The following ZNF549 variants were observed in gnomAD, a reference collection of about 807,000 sequenced individuals.
ZNF549 encodes zinc finger protein 549.
In ZNF549, 11 loss-of-function variants were observed where a neutral mutation model predicts 11.1. The observed-to-expected ratio is 0.99, with a 90% CI of 0.62 to 1.64. ZNF549 has a LOEUF of 1.64. Ranked by LOEUF, ZNF549 falls within the 40% of genes most tolerant of loss-of-function variation. The pLI, the probability that ZNF549 is intolerant of heterozygous loss-of-function variation, is 0.00. For synonymous variants in ZNF549, 266 were observed against 269.1 expected (o/e 0.99, Z 0.11); for missense variants, 748 against 765.1 (o/e 0.98, Z 0.26).
intron 1 of ZNF549, among the ~76,000 whole-genome samples, chr19:57,529,928 A>G (rs562514252): frequency 1.2e-3 from 183 of 152,130 alleles, no homozygotes; most frequent in African/African-American, 3.9e-3. Flanking sequence ...AAATAAATAA[A>G]GGATGGTGCA....
In ZNF549 at chr19:57,535,176, C is replaced by T. The variant is rs758992407; in HGVS notation, c.105C>T (p.Tyr35=). ...TGACCTTTGAGGATATTGCTGTGTA[C>T]TTCTCCCAGGAGGAGTGGGGCCTCC... is the stretch of plus-strand genomic sequence containing the variant. ...GHVTFEDIAV[Y]FSQEEWGLLD... Residue 35 remains tyrosine (Y), a synonymous_variant, in exon 3 of 4, where the codon TAC becomes TAT. Coordinates refer to ENST00000376233, the MANE Select transcript of ZNF549 (RefSeq NM_001199295.2). The T allele has an allele frequency of 1.5e-5, 24 of 1,613,994 alleles. 1 individual carries two copies. In the South Asian group the frequency reaches 2.4e-4, roughly 16 times the overall value.
chr19:57,538,974 G>T lies in ZNF549; in HGVS notation c.*47G>T, dbSNP rs757657933. The T allele has an allele frequency of 6.5e-7, 1 of 1,534,504 alleles. No homozygotes were observed. Among genetic ancestry groups the T allele is most frequent in the Non-Finnish European group, 8.7e-7 (1 of 1,148,526 alleles). On this transcript the variant is annotated 3_prime_UTR_variant, in exon 4 of 4. Coordinates refer to ENST00000376233, the MANE Select transcript of ZNF549 (RefSeq NM_001199295.2). Reference sequence around the variant, plus strand: ...GTCTTATTCACTGTAGGACACCAGAGAGCTGATTTTTCAAGGGATCCAACA... The same window carrying T: ...GTCTTATTCACTGTAGGACACCAGATAGCTGATTTTTCAAGGGATCCAACA...
chr19:57,531,014 C>T (rs1568588756), intron 1 of ZNF549, 56 bp from the exon 2 acceptor site: 2 of 1,562,394 alleles, frequency 1.3e-6, no homozygotes, highest in South Asian at 2.2e-5. Context: ...GAGCAACTTA[C>T]CCTTTGTAAA....
chr19:57,533,761 G>C (rs921221438), intron 2 of ZNF549, among the ~76,000 whole-genome samples: 17 of 152,228 alleles, frequency 1.1e-4, no homozygotes, highest in African/African-American at 3.9e-4. Context: ...TCTCCTGTAT[G>C]CCCTCGTTTG....
In ZNF549 at chr19:57,539,729, A is replaced by G. The variant is rs2089946861; in HGVS notation, c.*802A>G. 6.6e-6 allele frequency: 1 copy of G among 152,126 alleles called. No homozygotes were observed. Among genetic ancestry groups the G allele is most frequent in the Non-Finnish European group, 1.5e-5 (1 of 68,012 alleles). The allele number at this position is 152,126 out of a possible 1,614,324, so 9.4% of individuals were successfully genotyped here. On this transcript the variant is annotated 3_prime_UTR_variant, in exon 4 of 4. Coordinates refer to ENST00000376233, the MANE Select transcript of ZNF549 (RefSeq NM_001199295.2). ...TGCTTCATATTTCCCAGCACTGTTC[A>G]TGGTATCTTATTTCCCAGGTCCTTC...
intron 1 of ZNF549, 112 bp downstream of exon 1, chr19:57,527,718 G>GTT: frequency 7.4e-7 from 1 of 1,349,358 alleles, no homozygotes; most frequent in Non-Finnish European, 1.0e-6. Flanking sequence ...GGAGTTCTGG[G>GTT]TGGGGTCCTC....
chr19:57,533,250 T>C (rs1204408856), intron 2 of ZNF549, among the ~76,000 whole-genome samples: 1 of 152,196 alleles, frequency 6.6e-6, no homozygotes, highest in East Asian at 1.9e-4. Context: ...TCTCAGTGTT[T>C]TAGTGAGCCT....
intron 2 of ZNF549, among the ~76,000 whole-genome samples, chr19:57,532,231 CTG>C (rs1486418302): frequency 2.0e-5 from 3 of 152,112 alleles, no homozygotes; most frequent in Admixed American, 1.3e-4. Context: ...TGTTTTATAA[CTG>C]TGTATTGTAA....
chr19:57,538,136 C>G lies in ZNF549; in HGVS notation c.1132C>G (p.Arg378Gly). Residue 378 changes from arginine (R) to glycine (G), a missense_variant, in exon 4 of 4, where the codon CGA becomes GGA. Coordinates refer to ENST00000376233, the MANE Select transcript of ZNF549 (RefSeq NM_001199295.2). Reference sequence around the variant, plus strand: ...TTTTATTCATTCCTATGACCGCATTCGACACCAGAGAGTTCACACTGGAGA... The same window carrying G: ...TTTTATTCATTCCTATGACCGCATTGGACACCAGAGAGTTCACACTGGAGA... Reference protein sequence around the residue: ...KSFIHSYDRIRHQRVHTGEGA... With the variant: ...KSFIHSYDRIGHQRVHTGEGA... The G allele has an allele frequency of 6.2e-7, 1 of 1,614,068 alleles. No individual in the cohort carries two copies.
At chr19:57,536,936 C>T (rs560910752) in intron 3 of ZNF549, among the ~76,000 whole-genome samples, 20 of 152,020 alleles carry the variant, frequency 1.3e-4, no homozygotes, top group African/African-American at 4.6e-4. Flanking sequence ...ACAAGAAATT[C>T]TAAAAAAAAA....
rs573855959 is a variant in ZNF549, at chr19:57,527,623, C to T, written c.33+17C>T. On this transcript the variant is annotated intron_variant, in intron 1 of 3. Transcript: ENST00000376233. ...ACGCCGCAGGTGAGAGCGGAGTCCT[C>T]GGATCCTCACCTGGGTCCTGAGGCC... 2.5e-6 allele frequency: 4 copies of T among 1,613,016 alleles called. No homozygotes were observed. In the East Asian group the frequency reaches 6.7e-5, roughly 27 times the overall value.
At chr19:57,529,033 A>C (rs1438545999) in intron 1 of ZNF549, among the ~76,000 whole-genome samples, 3 of 152,198 alleles carry the variant, frequency 2.0e-5, no homozygotes, top group Non-Finnish European at 2.9e-5. Flanking sequence ...CCATATTTTT[A>C]CTGTACCTTT....
intron 1 of ZNF549, 46 bp from the exon 2 acceptor site, chr19:57,531,024 A>G (rs780360486): frequency 1.9e-6 from 3 of 1,589,266 alleles, no homozygotes; most frequent in South Asian, 2.2e-5. Context: ...CCCTTTGTAA[A>G]TGCCACCTTG....
Position 57,527,588 on chromosome 19 carries a change from G to A in ZNF549, c.15G>A (p.Ala5=), listed in dbSNP as rs374139448. 45 of 1,613,660 alleles carry A rather than the reference G, an allele frequency of 2.8e-5. No individual in the cohort carries two copies. The highest frequency in any genetic ancestry group is 3.3e-5 in the Admixed American group (2 of 60,008). ...CCTAAAGTCCCATGGCCGAGGCAGC[G>A]CTAGTGATTACGCCGCAGGTGAGAG... is the stretch of plus-strand genomic sequence containing the variant. MAEA[A]LVITPQIPMV... The change falls in exon 1 of 4, where the codon GCG becomes GCA. Residue 5 remains alanine, a synonymous_variant. Coordinates refer to ENST00000376233, the MANE Select transcript of ZNF549 (RefSeq NM_001199295.2).
Position 57,537,223 on chromosome 19 carries a change from G to A in ZNF549, c.219G>A (p.Glu73=). 2 of 1,613,634 alleles carry A rather than the reference G, an allele frequency of 1.2e-6. No individual in the cohort carries two copies. Among genetic ancestry groups the A allele is most frequent in the South Asian group, 2.2e-5 (2 of 91,050 alleles). The change falls in exon 4 of 4, where the codon GAG becomes GAA. Residue 73 remains glutamate (E), a synonymous_variant. Coordinates refer to ENST00000376233, the MANE Select transcript of ZNF549 (RefSeq NM_001199295.2). Reference sequence around the variant, plus strand: ...TTTTAGGTTGTTTGCATGGAATAGAGGCTGAGGAGGCCCCTTCTGAGCAGA... The same window carrying A: ...TTTTAGGTTGTTTGCATGGAATAGAAGCTGAGGAGGCCCCTTCTGAGCAGA... The part of the protein sequence containing the change: ...MASVGCLHGI[E]AEEAPSEQTL...
chr19:57,527,528 G>A lies in ZNF549; in HGVS notation c.-46G>A, dbSNP rs758459644. 30 of 1,611,752 alleles carry A rather than the reference G, an allele frequency of 1.9e-5. No homozygotes were observed. Among genetic ancestry groups the A allele is most frequent in the Non-Finnish European group, 2.3e-5 (27 of 1,179,520 alleles). On this transcript the variant is annotated 5_prime_UTR_variant, in exon 1 of 4. Transcript: ENST00000376233. The stretch of plus-strand genomic sequence containing the variant: ...TGCCACCGCACGCACGCCGGATCCC[G>A]GGCTTTACCGCCCGCCTTTCCAGGC...
At position 57,527,722 on chromosome 19, in the gene ZNF549, G is replaced by T. The variant is rs1004897735; in HGVS notation, c.33+116G>T. The T allele has an allele frequency of 6.9e-6, 9 of 1,297,602 alleles. No individual in the cohort carries two copies. In the African/African-American group the frequency reaches 1.0e-4, roughly 15 times the overall value. 80.4% of individuals were successfully genotyped at this position (1,297,602 alleles called of 1,614,324 possible). On this transcript the variant is annotated intron_variant, in intron 1 of 3. Transcript: ENST00000376233. ...CAGGACAGCGAGGAGTTCTGGGTGG[G>T]GTCCTCAGAGCTGACGGGCGGTGAG...
chr19:57,527,737 C>G, intron 1 of ZNF549, 131 bp downstream of exon 1: 2 of 1,145,190 alleles, frequency 1.7e-6, no homozygotes, highest in Non-Finnish European at 2.5e-6. Context: ...TCAGAGCTGA[C>G]GGGCGGTGAG....
In ZNF549 at chr19:57,537,245, C is replaced by T. The variant is rs1296968441; in HGVS notation, c.241C>T (p.Gln81Ter). ...AGAGGCTGAGGAGGCCCCTTCTGAGCAGACTCTTTCTGCGCAAGGAGTGTC... is the reference window on the plus strand; with the variant it reads ...AGAGGCTGAGGAGGCCCCTTCTGAGTAGACTCTTTCTGCGCAAGGAGTGTC... ...GIEAEEAPSE[Q>*]TLSAQGVSQA... The change falls in exon 4 of 4, where the codon CAG (glutamine) becomes TAG (stop). Residue 81 changes from glutamine (Q) to a stop codon, truncating the protein, a stop_gained. Transcript: ENST00000376233. LOFTEE classifies it low-confidence loss of function (END_TRUNC). 6.2e-7 allele frequency: 1 copy of T among 1,614,034 alleles called. No homozygotes were observed. Among genetic ancestry groups the T allele is most frequent in the Non-Finnish European group, 8.5e-7 (1 of 1,180,012 alleles).
Sources: gnomAD v4.1 joint callset for allele counts (sites outside exome capture counted in the v4.1 genomes callset) on GRCh38, gnomAD v4.1.1 for gene constraint, MANE v1.5 for transcripts, NCBI Gene and HGNC (gene_info 2026-07-23, HGNC 2026-07-21) for gene names.